Variants in SLX4IP observed in about 807,000 individuals in gnomAD.
SLX4IP encodes the protein protein SLX4IP.
Under a neutral mutation model 32.9 loss-of-function variants are expected in SLX4IP, and 34 were observed. The ratio of observed to expected loss-of-function variants is 1.03; its 90% CI spans 0.79 to 1.38. The LOEUF is 1.38. SLX4IP is among the 40% of genes most tolerant of loss of function. The pLI, the probability that SLX4IP is intolerant of heterozygous loss-of-function variation, is 0.00. For synonymous variants in SLX4IP, 172 were observed against 171.7 expected, an observed-to-expected ratio of 1.00 and a Z score of -0.01; for missense variants, 444 against 479.0, an observed-to-expected ratio of 0.93 and a Z score of 0.68.
At chr20:10,527,789 C>T (rs1396094831) in intron 2 of SLX4IP, among the ~76,000 whole-genome samples, 2 of 152,104 alleles carry the variant, frequency 1.3e-5, no homozygotes, top group Non-Finnish European at 1.5e-5. Context: ...ATTGTGATTG[C>T]TAATATAGTA....
chr20:10,513,847 C>A (rs1290090234), intron 2 of SLX4IP, among the ~76,000 whole-genome samples: 2 of 152,208 alleles, frequency 1.3e-5, no homozygotes, highest in Non-Finnish European at 2.9e-5. Flanking sequence ...CTAGCGAGGA[C>A]AGTGGAGGGA....
rs1200036684 is a variant in SLX4IP at position 10,455,619 on chromosome 20, ATTTATTTT to A, written c.-29-2556_-29-2549del. Among the ~76,000 whole-genome samples the A allele has an allele frequency of 1.1e-3, 123 of 110,978 alleles. 2 individuals carry two copies. Among genetic ancestry groups the A allele is most frequent in the African/African-American group, 3.5e-3 (117 of 33,628 alleles). 72.8% of individuals were successfully genotyped at this position (110,978 alleles called of 152,430 possible). A position where few individuals can be genotyped will look rare whatever the true frequency, so the allele number is the denominator to read the frequency against. On this transcript the variant is annotated intron_variant, in intron 1 of 7. Coordinates refer to ENST00000334534, the MANE Select transcript of SLX4IP (RefSeq NM_001009608.3). The stretch of plus-strand genomic sequence containing the variant: ...TATTTATTTATTTATTTATTTATTT[ATTTATTTT>A]GAGACAGAGTCTCACTCTGTCCCCC...
At chr20:10,571,348 C>T (rs58149441) in intron 4 of SLX4IP, among the ~76,000 whole-genome samples, 13,380 of 152,178 alleles carry the variant, frequency 0.088, 789 homozygotes, top group African/African-American at 0.17. Flanking sequence ...GACTAGGAGT[C>T]ATTATTCCCA....
chr20:10,483,968 G>A (rs576963160), intron 2 of SLX4IP, among the ~76,000 whole-genome samples: 1 of 152,136 alleles, frequency 6.6e-6, no homozygotes, highest in African/African-American at 2.4e-5. Flanking sequence ...ACTTTGCTAT[G>A]TTTCCTCCAG....
chr20:10,478,210 T>G (rs1277533498), intron 2 of SLX4IP, among the ~76,000 whole-genome samples: 7 of 152,200 alleles, frequency 4.6e-5, no homozygotes, highest in South Asian at 2.1e-4. Flanking sequence ...AGCTCTCTTT[T>G]AAAAGCTTTT....
In SLX4IP at chr20:10,484,006, A is replaced by G. The variant is rs143533151; in HGVS notation, c.27+25775A>G. 4.3e-3 allele frequency among the ~76,000 whole-genome samples: 655 copies of G among 152,272 alleles called. 9 individuals are homozygous for G. Among genetic ancestry groups the G allele is most frequent in the Non-Finnish European group, 4.9e-3 (331 of 68,006 alleles). The stretch of plus-strand genomic sequence containing the variant: ...TATTACCATTAGATCATACTTTTAA[A>G]TCTAATCTTACTTATCCACAACTAT... On this transcript the variant is annotated intron_variant, in intron 2 of 7. Transcript: ENST00000334534.
Position 10,560,803 on chromosome 20 carries a change from A to G in SLX4IP, c.221A>G (p.Asn74Ser), listed in dbSNP as rs2066324364. ...TCAAATGCAGAATTCACAAGATCCA[A>G]TCCCTTGTCCTTAAAAGGTAGGCAC... ...RPSNAEFTRSNPLSLKGYGFQ... is the reference protein window; with the variant it reads ...RPSNAEFTRSSPLSLKGYGFQ... The change falls in exon 4 of 8, where the codon AAT becomes AGT. Residue 74 changes from asparagine (N) to serine (S), a missense_variant. By Grantham distance (46) the Asn-to-Ser change is conservative. Transcript: ENST00000334534. The G allele has an allele frequency of 1.9e-6, 3 of 1,605,412 alleles. No individual in the cohort carries two copies. The highest frequency in any genetic ancestry group is 1.7e-6 in the Non-Finnish European group (2 of 1,176,356).
intron 4 of SLX4IP, 93 bp downstream of exon 4, chr20:10,560,913 A>C: frequency 8.2e-7 from 1 of 1,218,602 alleles, no homozygotes; most frequent in Non-Finnish European, 1.1e-6. Context: ...CTGTCATGTT[A>C]GTATAGTGAT....
intron 2 of SLX4IP, among the ~76,000 whole-genome samples, chr20:10,510,979 C>T (rs2065802811): frequency 6.6e-6 from 1 of 152,076 alleles, no homozygotes; most frequent in Admixed American, 6.5e-5. Context: ...TTTGAAGGAC[C>T]CTGCCAGCCA....
chr20:10,530,088 C>G (rs565358158), intron 2 of SLX4IP, among the ~76,000 whole-genome samples: 1 of 152,272 alleles, frequency 6.6e-6, no homozygotes, highest in African/African-American at 2.4e-5. Context: ...CAGGCTGACA[C>G]TCTGCCTACC....
intron 1 of SLX4IP, among the ~76,000 whole-genome samples, chr20:10,445,857 C>T (rs2065197978): frequency 6.6e-6 from 1 of 151,372 alleles, no homozygotes; most frequent in East Asian, 1.9e-4. Flanking sequence ...AACTCCTGAC[C>T]TCAGGTGATC....
intron 4 of SLX4IP, among the ~76,000 whole-genome samples, chr20:10,566,131 CCCTGTGTTCTTCG>C (rs759118088): frequency 2.0e-5 from 3 of 152,004 alleles, no homozygotes; most frequent in Non-Finnish European, 2.9e-5. Flanking sequence ...ATTTTGTATT[CCCTGTGTTCTTCG>C]CCTGTAACTC....
chr20:10,550,793 C>A (rs1013799353), intron 2 of SLX4IP, among the ~76,000 whole-genome samples: 9 of 152,206 alleles, frequency 5.9e-5, no homozygotes, highest in Non-Finnish European at 1.3e-4. Flanking sequence ...TTTCCTTCTG[C>A]ACTCCTTTCC....
chr20:10,485,925 C>T (rs2065568765), intron 2 of SLX4IP, among the ~76,000 whole-genome samples: 1 of 151,654 alleles, frequency 6.6e-6, no homozygotes, highest in African/African-American at 2.4e-5. Context: ...CATATTGAGT[C>T]GGTGGAAGAA....
chr20:10,450,918 AT>A (rs1456109118), intron 1 of SLX4IP, among the ~76,000 whole-genome samples: 1 of 151,644 alleles, frequency 6.6e-6, no homozygotes, highest in Non-Finnish European at 1.5e-5. Flanking sequence ...CGCCCGGGTA[AT>A]TTTTTTGGGT....
chr20:10,617,816 T>C (rs2067056299), intron 6 of SLX4IP, among the ~76,000 whole-genome samples: 1 of 152,090 alleles, frequency 6.6e-6, no homozygotes, highest in South Asian at 2.1e-4. Flanking sequence ...GCCTGGCTAA[T>C]TTTTTGTAGA....
chr20:10,445,311 C>CT lies in SLX4IP; in HGVS notation c.-30+9879dup, dbSNP rs36058168. On this transcript the variant is annotated intron_variant, in intron 1 of 7. Transcript: ENST00000334534. ...TTGGATTGCTTTTTCTTTTTTCTTT[C>CT]TTTTTTTTTTTTTTTTTTTTTGAGA... Among the ~76,000 whole-genome samples the CT allele has an allele frequency of 2.8e-3, 252 of 90,170 alleles. 2 individuals are homozygous for CT. The highest frequency in any genetic ancestry group is 8.6e-3 in the East Asian group (32 of 3,704). 59.2% of individuals were successfully genotyped at this position (90,170 alleles called of 152,430 possible).
chr20:10,621,532 C>T, intron 7 of SLX4IP, 118 bp downstream of exon 7: 3 of 798,166 alleles, frequency 3.8e-6, no homozygotes, highest in Non-Finnish European at 4.2e-6. Context: ...CCCTCCGTCA[C>T]GTACTTACTC....
chr20:10,515,892 T>G (rs780650079), intron 2 of SLX4IP, among the ~76,000 whole-genome samples: 1 of 152,180 alleles, frequency 6.6e-6, no homozygotes, highest in Non-Finnish European at 1.5e-5. Context: ...TTTTTGTTGT[T>G]GTGGTTGTTG....
Sources: gnomAD v4.1 joint callset for allele counts (sites outside exome capture counted in the v4.1 genomes callset) on GRCh38, gnomAD v4.1.1 for gene constraint, MANE v1.5 for transcripts, NCBI Gene and HGNC (gene_info 2026-07-23, HGNC 2026-07-21) for gene names.